The following TM2D1 variants were observed in gnomAD, a reference collection of about 807,000 sequenced individuals.
TM2D1 encodes TM2 domain containing 1.
TM2D1 carries 15 observed loss-of-function variants against 28.4 expected under a neutral mutation model. That is an observed-to-expected ratio of 0.53 (90% CI 0.35 to 0.81). The LOEUF (loss-of-function observed/expected upper bound fraction) is 0.81, where lower values mean the gene tolerates loss of function less well. Among genes scored for constraint, TM2D1 ranks in the 40% least tolerant of loss-of-function variants. The probability of loss-of-function intolerance (pLI) is 0.01; values close to 1 mark genes in which losing one functional copy is unlikely to be tolerated. For missense variants in TM2D1, 236 were observed against 254.9 expected, an observed-to-expected ratio of 0.93 and a Z score of 0.50; for synonymous variants, 93 against 96.2, an observed-to-expected ratio of 0.97 and a Z score of 0.20.
chr1:61,691,932 A>AAATATATATAGATATATAT, intron 5 of TM2D1, among the ~76,000 whole-genome samples: 1 of 76,414 alleles, frequency 1.3e-5, no homozygotes, highest in Non-Finnish European at 2.6e-5. Flanking sequence ...AAAAAAAAAA[A>AAATATATATAGATATATAT]ATATATATAT....
rs769522928 is a variant in TM2D1 at position 61,725,096 on chromosome 1, G to T, written c.25C>A (p.Pro9Thr). MAAAWPSG[P>T]SAPEAVTARL... Reference sequence around the variant, plus strand: ...GCCGTCACGGCCTCCGGAGCAGACGGACCAGACGGCCAGGCGGCCGCCATC... The same window carrying T: ...GCCGTCACGGCCTCCGGAGCAGACGTACCAGACGGCCAGGCGGCCGCCATC... Residue 9 changes from proline (P) to threonine (T), a missense_variant, in exon 1 of 7, where the codon CCG becomes ACG. Physicochemically the swap from Pro to Thr is conservative, Grantham distance 38. Coordinates refer to ENST00000606498, the MANE Select transcript of TM2D1 (RefSeq NM_032027.3). The T allele has an allele frequency of 6.2e-7, 1 of 1,613,740 alleles. No individual in the cohort carries two copies. The highest frequency in any genetic ancestry group is 8.5e-7 in the Non-Finnish European group (1 of 1,179,894).
intron 2 of TM2D1, among the ~76,000 whole-genome samples, chr1:61,716,607 A>G (rs1024314426): frequency 6.8e-6 from 1 of 148,114 alleles, no homozygotes; most frequent in Non-Finnish European, 1.5e-5. Context: ...ACACACACAC[A>G]AAAAGAGAGT....
intron 5 of TM2D1, chr1:61,686,900 G>A: frequency 1.0e-6 from 1 of 960,386 alleles, no homozygotes; most frequent in Non-Finnish European, 1.2e-6. Context: ...TCCAGCCTGG[G>A]CAACAGAGCA....
intron 4 of TM2D1, chr1:61,699,732 A>G (rs1318647086): frequency 1.3e-5 from 2 of 152,582 alleles, no homozygotes; most frequent in African/African-American, 4.8e-5. Context: ...TGTACCATAA[A>G]TTGGCCTACT....
At chr1:61,719,292 T>G (rs1470276532) in intron 2 of TM2D1, among the ~76,000 whole-genome samples, 1 of 152,116 alleles carries the variant, frequency 6.6e-6, no homozygotes, top group East Asian at 1.9e-4. Flanking sequence ...TCAAGTGATC[T>G]GCCCACCTAA....
In TM2D1 at chr1:61,687,287, G is replaced by A. The variant is rs115564548; in HGVS notation, c.514-3741C>T. Among the ~76,000 whole-genome samples the A allele has an allele frequency of 6.2e-3, 944 of 152,246 alleles. 3 individuals are homozygous for A. Among genetic ancestry groups the A allele is most frequent in the South Asian group, 0.013 (65 of 4,820 alleles). On this transcript the variant is annotated intron_variant, in intron 5 of 6. Transcript: ENST00000606498. ...AAGGAAGCTATTACTTAAGGGGTAC[G>A]GTATTTTTGGAGTGATGAAAAAGTT...
At chr1:61,707,764 A>G (rs1399277722) in intron 3 of TM2D1, among the ~76,000 whole-genome samples, 3 of 152,234 alleles carry the variant, frequency 2.0e-5, no homozygotes, top group Non-Finnish European at 2.9e-5. Flanking sequence ...AAGAACGCTA[A>G]GAGTTCTTGC....
rs146008755 is a variant in TM2D1, at chr1:61,712,422, A to G, written c.239-2985T>C. 7.6e-3 allele frequency among the ~76,000 whole-genome samples: 1,157 copies of G among 152,200 alleles called. 9 individuals carry two copies. Among genetic ancestry groups the G allele is most frequent in the African/African-American group, 0.027 (1,102 of 41,518 alleles). On this transcript the variant is annotated intron_variant, in intron 2 of 6. Coordinates refer to ENST00000606498, the MANE Select transcript of TM2D1 (RefSeq NM_032027.3). ...AATGTCATTTCCAGTTTGTTCATTT[A>G]TTTATTGAAACCGAGTCTCACTCTA...
chr1:61,717,660 A>G (rs1424088492), intron 2 of TM2D1, among the ~76,000 whole-genome samples: 3 of 152,054 alleles, frequency 2.0e-5, no homozygotes, highest in Non-Finnish European at 2.9e-5. Flanking sequence ...TGTAGCCTCG[A>G]AGTCCTGCGC....
chr1:61,691,932 A>AAAAAAAATATATATAT, intron 5 of TM2D1, among the ~76,000 whole-genome samples: 89 of 76,356 alleles, frequency 1.2e-3, no homozygotes, highest in Admixed American at 5.9e-3. Context: ...AAAAAAAAAA[A>AAAAAAAATATATATAT]ATATATATAT....
intron 6 of TM2D1, among the ~76,000 whole-genome samples, chr1:61,682,971 TAGA>T (rs943845087): frequency 1.3e-5 from 2 of 152,070 alleles, no homozygotes; most frequent in African/African-American, 4.8e-5. Context: ...AACTTTAGGT[TAGA>T]AGAAGCACTT....
chr1:61,702,514 G>A (rs1316146315), intron 3 of TM2D1, among the ~76,000 whole-genome samples: 4 of 150,504 alleles, frequency 2.7e-5, no homozygotes, highest in South Asian at 2.1e-4. Flanking sequence ...GAGTACAGGC[G>A]CACACCACCA....
At chr1:61,707,034 C>A (rs557724760) in intron 3 of TM2D1, among the ~76,000 whole-genome samples, 204 of 152,198 alleles carry the variant, frequency 1.3e-3, no homozygotes, top group Admixed American at 2.4e-3. Context: ...GCGGGCTGAT[C>A]GCTTGAGCCC....
intron 1 of TM2D1, 124 bp downstream of exon 1, chr1:61,724,833 A>C: frequency 9.2e-7 from 1 of 1,091,768 alleles, no homozygotes; most frequent in East Asian, 2.7e-5. Context: ...TTCAGTCATT[A>C]GAAGCCACAG....
Position 61,725,099 on chromosome 1 carries a change from C to G in TM2D1, c.22G>C (p.Gly8Arg). ...GTCACGGCCTCCGGAGCAGACGGAC[C>G]AGACGGCCAGGCGGCCGCCATCTTG... MAAAWPSGPSAPEAVTAR... is the reference protein window; with the variant it reads MAAAWPSRPSAPEAVTAR... The change falls in exon 1 of 7, where the codon GGT (glycine) becomes CGT (arginine). Residue 8 changes from glycine (G) to arginine (R), a missense_variant. Around this residue, in one of 3 missense-constraint regions of TM2D1, gnomAD observed 167 missense variants for 162.7 expected, o/e 1.03. Transcript: ENST00000606498. 6.2e-7 allele frequency: 1 copy of G among 1,613,702 alleles called. No homozygotes were observed.
chr1:61,716,308 G>A (rs1644518647), intron 2 of TM2D1, among the ~76,000 whole-genome samples: 1 of 149,230 alleles, frequency 6.7e-6, no homozygotes, highest in Non-Finnish European at 1.5e-5. Flanking sequence ...GACAGAGTAA[G>A]GCCTCTCTCT....
chr1:61,706,217 G>T (rs1353787523), intron 3 of TM2D1, among the ~76,000 whole-genome samples: 2 of 152,072 alleles, frequency 1.3e-5, no homozygotes, highest in East Asian at 3.9e-4. Flanking sequence ...TCTTTTATTT[G>T]TTTGAGACTG....
intron 5 of TM2D1, among the ~76,000 whole-genome samples, chr1:61,692,096 C>A (rs1211589843): frequency 1.4e-4 from 21 of 150,416 alleles, no homozygotes; most frequent in African/African-American, 4.9e-4. Context: ...ATACATGTAT[C>A]ACTGATTTAG....
chr1:61,701,657 G>A (rs1306181612), intron 3 of TM2D1, among the ~76,000 whole-genome samples: 2 of 151,858 alleles, frequency 1.3e-5, no homozygotes, highest in Middle Eastern at 3.2e-3. Flanking sequence ...CAGAGATGCT[G>A]TTTATGTGTC....
Sources: gnomAD v4.1 joint callset for allele counts (sites outside exome capture counted in the v4.1 genomes callset) on GRCh38, gnomAD v4.1.1 for gene constraint, gnomAD v4.1.1 regional missense constraint, MANE v1.5 for transcripts, NCBI Gene and HGNC (gene_info 2026-07-23, HGNC 2026-07-21) for gene names.